Variants in WWOX observed in about 807,000 individuals in gnomAD.
WWOX encodes the protein WW domain-containing oxidoreductase.
In WWOX, 69 loss-of-function variants were observed where a neutral mutation model predicts 46.2. That is an observed-to-expected ratio of 1.49 (90% confidence interval 1.23 to 1.82). The LOEUF (loss-of-function observed/expected upper bound fraction) is 1.82. Among genes scored for constraint, WWOX ranks in the 40% most tolerant of loss-of-function variants. The pLI is 0.00. For synonymous variants in WWOX, 359 were observed against 202.6 expected, an observed-to-expected ratio of 1.77 and a Z score of -6.56; for missense variants, 919 against 542.6, an observed-to-expected ratio of 1.69 and a Z score of -6.89.
At chr16:78,970,942 C>G (rs867417325) in intron 8 of WWOX, among the ~76,000 whole-genome samples, 1 of 152,164 alleles carries the variant, frequency 6.6e-6, no homozygotes, top group African/African-American at 2.4e-5. Context: ...TTGCTTACTT[C>G]TGCAGCAGAT....
chr16:78,603,382 C>G (rs1049619529), intron 8 of WWOX, among the ~76,000 whole-genome samples: 2 of 152,160 alleles, frequency 1.3e-5, no homozygotes, highest in East Asian at 1.9e-4. Context: ...GGTGATCAGG[C>G]AAACTACATG....
intron 8 of WWOX, among the ~76,000 whole-genome samples, chr16:78,531,747 A>G (rs2043627704): frequency 6.6e-6 from 1 of 152,076 alleles, no homozygotes; most frequent in Admixed American, 6.6e-5. Flanking sequence ...AATCCCAGCT[A>G]CTTGGGAGGC....
In WWOX at chr16:78,729,177, T is replaced by TA. The variant is rs542877475; in HGVS notation, c.1056+296433dup. ...GGCCAACATGGTGAAACCTTATCCG[T>TA]AAAAAAAATAAAAAATTAGCCAGAC... On this transcript the variant is annotated intron_variant, in intron 8 of 8. Coordinates refer to ENST00000566780, the MANE Select transcript of WWOX (RefSeq NM_016373.4). Among the ~76,000 whole-genome samples the TA allele has an allele frequency of 7.9e-3, 1,192 of 150,896 alleles. 19 individuals are homozygous for TA. The highest frequency in any genetic ancestry group is 0.026 in the African/African-American group (1,079 of 41,166).
intron 8 of WWOX, among the ~76,000 whole-genome samples, chr16:79,010,066 G>A (rs2047272606): frequency 6.6e-6 from 1 of 152,136 alleles, no homozygotes; most frequent in South Asian, 2.1e-4. Flanking sequence ...TGCTTGCAAA[G>A]GCCTTGGCCA....
intron 8 of WWOX, among the ~76,000 whole-genome samples, chr16:78,630,602 G>C (rs979939526): frequency 1.3e-5 from 2 of 152,142 alleles, no homozygotes; most frequent in Non-Finnish European, 2.9e-5. Flanking sequence ...ACTGGAAGAG[G>C]ACATTTGGAA....
intron 8 of WWOX, among the ~76,000 whole-genome samples, chr16:78,472,836 ATTATGTC>A (rs2084258790): frequency 1.5e-5 from 2 of 135,518 alleles, no homozygotes; most frequent in Non-Finnish European, 3.2e-5. Context: ...AAAAAAAAAA[ATTATGTC>A]ATTTCGTTGT....
chr16:78,522,621 G>A (rs532176398), intron 8 of WWOX, among the ~76,000 whole-genome samples: 12 of 152,228 alleles, frequency 7.9e-5, no homozygotes, highest in African/African-American at 1.7e-4. Flanking sequence ...TTTATCAGCC[G>A]CAAGAGGAAA....
intron 8 of WWOX, among the ~76,000 whole-genome samples, chr16:79,015,650 T>C (rs912503990): frequency 6.6e-6 from 1 of 152,248 alleles, no homozygotes; most frequent in Non-Finnish European, 1.5e-5. Context: ...GGATTAGTCA[T>C]GTCCCTAGTC....
At chr16:78,440,047 C>T (rs953077707) in intron 8 of WWOX, among the ~76,000 whole-genome samples, 1 of 152,124 alleles carries the variant, frequency 6.6e-6, no homozygotes, top group Non-Finnish European at 1.5e-5. Flanking sequence ...ATAAAGGAGA[C>T]TAGAAAAGTG....
chr16:78,626,010 C>T (rs1306428670), intron 8 of WWOX, among the ~76,000 whole-genome samples: 3 of 151,318 alleles, frequency 2.0e-5, no homozygotes, highest in Non-Finnish European at 4.4e-5. Flanking sequence ...TACTTTTTAC[C>T]AACCTAATAT....
chr16:78,246,954 A>G (rs911229823), intron 5 of WWOX, among the ~76,000 whole-genome samples: 8 of 152,196 alleles, frequency 5.3e-5, no homozygotes, highest in Non-Finnish European at 7.3e-5. Flanking sequence ...CAGTCAGACC[A>G]TAGCAGTATC....
intron 8 of WWOX, among the ~76,000 whole-genome samples, chr16:78,811,999 T>C (rs1000750729): frequency 6.6e-6 from 1 of 152,122 alleles, no homozygotes; most frequent in African/African-American, 2.4e-5. Flanking sequence ...CTATAGCTAT[T>C]ATAACACCAT....
chr16:78,675,994 G>C (rs2047589085), intron 8 of WWOX, among the ~76,000 whole-genome samples: 1 of 152,046 alleles, frequency 6.6e-6, no homozygotes, highest in Admixed American at 6.6e-5. Context: ...TTAGTGGAAA[G>C]GGAAAGCATA....
chr16:78,995,964 T>G (rs1363122398), intron 8 of WWOX, among the ~76,000 whole-genome samples: 1 of 152,178 alleles, frequency 6.6e-6, no homozygotes, highest in Non-Finnish European at 1.5e-5. Flanking sequence ...TGCTGTAAGT[T>G]GCAGGGAAGT....
At chr16:79,077,037 C>T (rs73572915) in intron 8 of WWOX, among the ~76,000 whole-genome samples, 2 of 152,096 alleles carry the variant, frequency 1.3e-5, no homozygotes, top group African/African-American at 4.8e-5. Context: ...AGTAGCCGAT[C>T]ATCAATTCCC....
intron 2 of WWOX, among the ~76,000 whole-genome samples, chr16:78,108,709 C>T (rs2032308816): frequency 6.6e-6 from 1 of 152,202 alleles, no homozygotes. Context: ...CCAAAATGGC[C>T]AGATGTGGTG....
chr16:79,131,235 A>G (rs978268995), intron 8 of WWOX, among the ~76,000 whole-genome samples: 3 of 152,160 alleles, frequency 2.0e-5, no homozygotes, highest in Non-Finnish European at 4.4e-5. Context: ...CTCCAGGGCC[A>G]TTTGTGAGAG....
chr16:78,763,141 A>G (rs1438203095), intron 8 of WWOX, among the ~76,000 whole-genome samples: 2 of 152,242 alleles, frequency 1.3e-5, no homozygotes, highest in Non-Finnish European at 2.9e-5. Context: ...GAGCTGAAGT[A>G]CTGAAAGCGT....
At chr16:78,825,563 C>T (rs1192069782) in intron 8 of WWOX, 6 of 532,698 alleles carry the variant, frequency 1.1e-5, no homozygotes, top group Admixed American at 1.9e-5. Context: ...CCCCAGAGGT[C>T]TGTGTGCCAT....
Sources: gnomAD v4.1 joint callset for allele counts (sites outside exome capture counted in the v4.1 genomes callset) on GRCh38, gnomAD v4.1.1 for gene constraint, MANE v1.5 for transcripts, NCBI Gene and HGNC (gene_info 2026-07-23, HGNC 2026-07-21) for gene names.